Variants in POLN observed in about 807,000 individuals in gnomAD.
POLN encodes DNA polymerase N.
POLN carries 108 observed loss-of-function variants against 113.5 expected under a neutral mutation model. The ratio of observed to expected loss-of-function variants is 0.95; its 90% CI spans 0.81 to 1.12. The LOEUF (loss-of-function observed/expected upper bound fraction) is 1.12. Among genes scored for constraint, POLN ranks in the 50% most tolerant of loss-of-function variants. POLN has a pLI of 0.00. For synonymous variants in POLN, 386 were observed against 391.5 expected, an observed-to-expected ratio of 0.99 and a Z score of 0.17; for missense variants, 1,097 against 1,077.1, an observed-to-expected ratio of 1.02 and a Z score of -0.26.
chr4:2,147,643 C>CTTTTTTTTTTTTTTTTTTTTTTTT lies in POLN; in HGVS notation c.1731+9144_1731+9145insAAAAAAAAAAAAAAAAAAAAAAAA, dbSNP rs747184067. Among the ~76,000 whole-genome samples, 13 of 79,354 alleles carry CTTTTTTTTTTTTTTTTTTTTTTTT rather than the reference C, an allele frequency of 1.6e-4. 1 individual carries two copies. The highest frequency in any genetic ancestry group is 6.5e-4 in the East Asian group (2 of 3,086). 52.1% of individuals were successfully genotyped at this position (79,354 alleles called of 152,430 possible). A position where few individuals can be genotyped will look rare whatever the true frequency, so the allele number is the denominator to read the frequency against. On this transcript the variant is annotated intron_variant, in intron 16 of 25. Transcript: ENST00000511885. ...AGATCAGACATCCAGTTTTTCTTTT[C>CTTTTTTTTTTTTTTTTTTTTTTTT]TTTTTTTTTTTTTTTTGAGACAAAG...
chr4:2,131,643 T>C (rs1213933447), intron 16 of POLN, among the ~76,000 whole-genome samples: 1 of 152,200 alleles, frequency 6.6e-6, no homozygotes, highest in Admixed American at 6.5e-5. Flanking sequence ...AATTTGTATA[T>C]TGTACTTTTA....
At position 2,198,578 on chromosome 4, in the gene POLN, A is replaced by G. The variant is rs528492060; in HGVS notation, c.854T>C (p.Ile285Thr). The change falls in exon 6 of 26, where the codon ATA (isoleucine) becomes ACA (threonine). Residue 285 changes from isoleucine (I) to threonine (T), a missense_variant. Physicochemically the swap from Ile to Thr is moderately conservative, Grantham distance 89. Coordinates refer to ENST00000511885, the MANE Select transcript of POLN (RefSeq NM_181808.4). Reference protein sequence around the residue: ...VSDDPCIYIQIEHSAIWDQEQ... With the variant: ...VSDDPCIYIQTEHSAIWDQEQ... ...TTGGTCCCAGATAGCAGAGTGCTCTATTTGAATGTAGATGCATGGATCATC... is the reference window on the plus strand; with the variant it reads ...TTGGTCCCAGATAGCAGAGTGCTCTGTTTGAATGTAGATGCATGGATCATC... 1 of 1,613,770 alleles carries G rather than the reference A, an allele frequency of 6.2e-7. No individual in the cohort carries two copies. Among genetic ancestry groups the G allele is most frequent in the Admixed American group, 1.7e-5 (1 of 59,946 alleles).
chr4:2,124,836 C>G (rs754736378), intron 19 of POLN, among the ~76,000 whole-genome samples: 2 of 151,692 alleles, frequency 1.3e-5, no homozygotes, highest in Non-Finnish European at 2.9e-5. Flanking sequence ...ATCCTGGAGG[C>G]GATCATTGTC....
chr4:2,200,916 C>T (rs2108760483), intron 5 of POLN, among the ~76,000 whole-genome samples: 1 of 152,182 alleles, frequency 6.6e-6, no homozygotes, highest in African/African-American at 2.4e-5. Flanking sequence ...TTAAGTTAAT[C>T]AGGGAGTCAC....
rs116145378 is a variant in POLN at position 2,107,476 on chromosome 4, C to T, written c.1983-11543G>A. On this transcript the variant is annotated intron_variant, in intron 19 of 25. Transcript: ENST00000511885. ...GGTAAATATTGTCAGCCATTGAAGG[C>T]TTGGAGGGGTTGCATGAGCTGACTG... Among the ~76,000 whole-genome samples, 1,235 of 151,958 alleles carry T rather than the reference C, an allele frequency of 8.1e-3. 23 individuals are homozygous for T. Among genetic ancestry groups the T allele is most frequent in the African/African-American group, 0.028 (1,141 of 41,422 alleles).
At chr4:2,189,894 G>A (rs1194104831) in intron 7 of POLN, among the ~76,000 whole-genome samples, 3 of 151,520 alleles carry the variant, frequency 2.0e-5, no homozygotes, top group African/African-American at 4.9e-5. Flanking sequence ...GTGTGGTGGC[G>A]AGTGCCTATA....
rs974378372 is a variant in POLN, at chr4:2,182,768, A to T, written c.1022-3303T>A. Among the ~76,000 whole-genome samples the T allele has an allele frequency of 4.6e-5, 7 of 152,144 alleles. No individual in the cohort carries two copies. In the South Asian group the frequency reaches 1.4e-3, roughly 32 times the overall value. ...ACCTTGGATTAAACAATAGTTTCTT[A>T]GATTTGACACCAAAAACACAAATAA... is the stretch of plus-strand genomic sequence containing the variant. On this transcript the variant is annotated intron_variant, in intron 7 of 25. Coordinates refer to ENST00000511885, the MANE Select transcript of POLN (RefSeq NM_181808.4).
At chr4:2,107,589 A>T (rs1406561328) in intron 19 of POLN, among the ~76,000 whole-genome samples, 1 of 152,126 alleles carries the variant, frequency 6.6e-6, no homozygotes, top group East Asian at 1.9e-4. Context: ...ACACCAGTAG[A>T]TGTGGGAGAT....
chr4:2,138,508 C>T (rs1731915076), intron 16 of POLN, among the ~76,000 whole-genome samples: 1 of 152,188 alleles, frequency 6.6e-6, no homozygotes, highest in Non-Finnish European at 1.5e-5. Flanking sequence ...CTTTGGTGCC[C>T]AGCCCGGACC....
In POLN at chr4:2,208,172, C is replaced by A. The variant is rs111396698; in HGVS notation, c.529G>T (p.Asp177Tyr). ...AGGTAGCCTTCGGCGTCATCAGTATCTTCTTCCAATGCCATTTGTTTACTT... is the reference window on the plus strand; with the variant it reads ...AGGTAGCCTTCGGCGTCATCAGTATATTCTTCCAATGCCATTTGTTTACTT... ...KTSKQMALEE[D>Y]TDDAEGYLNS... Residue 177 changes from aspartate (D) to tyrosine (Y), a missense_variant, in exon 5 of 26, where the codon GAT (aspartate) becomes TAT (tyrosine). By Grantham distance (160) the Asp-to-Tyr change is radical. Coordinates refer to ENST00000511885, the MANE Select transcript of POLN (RefSeq NM_181808.4). 7.2e-5 allele frequency: 116 copies of A among 1,613,752 alleles called. No homozygotes were observed. In the African/African-American group the frequency reaches 1.2e-3, roughly 16 times the overall value.
chr4:2,159,722 T>C (rs979879427), intron 13 of POLN, among the ~76,000 whole-genome samples: 2 of 152,230 alleles, frequency 1.3e-5, no homozygotes, highest in South Asian at 2.1e-4. Flanking sequence ...TACTGGCTCC[T>C]TCCCCAGAGC....
chr4:2,118,413 C>T (rs1731367221), intron 19 of POLN, among the ~76,000 whole-genome samples: 1 of 152,166 alleles, frequency 6.6e-6, no homozygotes, highest in African/African-American at 2.4e-5. Flanking sequence ...CACTTTCATT[C>T]CTACTTGTAC....
chr4:2,087,132 C>T (rs577587371), intron 20 of POLN, among the ~76,000 whole-genome samples: 3 of 152,262 alleles, frequency 2.0e-5, no homozygotes, highest in Admixed American at 6.5e-5. Flanking sequence ...AAGTTTATCC[C>T]GGCAGAAAGG....
chr4:2,075,642 C>A, intron 23 of POLN, 123 bp from the exon 24 acceptor site: 1 of 992,704 alleles, frequency 1.0e-6, no homozygotes, highest in South Asian at 1.4e-5. Context: ...CTCAGGGGTG[C>A]ATGCAGAGGT....
chr4:2,145,522 T>C (rs919581158), intron 16 of POLN, among the ~76,000 whole-genome samples: 1 of 151,946 alleles, frequency 6.6e-6, no homozygotes, highest in Non-Finnish European at 1.5e-5. Context: ...ATTGAAAAAA[T>C]TCAAATGACA....
chr4:2,239,266 G>A (rs755411354), intron 2 of POLN, among the ~76,000 whole-genome samples: 8 of 152,136 alleles, frequency 5.3e-5, no homozygotes, highest in Non-Finnish European at 1.0e-4. Flanking sequence ...CATATATATA[G>A]TAACGGCTAC....
chr4:2,221,681 T>C (rs543865829), intron 3 of POLN, among the ~76,000 whole-genome samples: 135 of 152,296 alleles, frequency 8.9e-4, no homozygotes, highest in African/African-American at 3.1e-3. Flanking sequence ...GTTCAAGGGA[T>C]TCTCCTGCCT....
At position 2,241,804 on chromosome 4, in the gene POLN, C is replaced by G. The variant is rs1329876764; in HGVS notation, c.-283-14G>C. On this transcript the variant is annotated splice_polypyrimidine_tract_variant and intron_variant, in intron 1 of 25. Transcript: ENST00000511885. ...CACCTAAGCACGCTGACAAAACAAA[C>G]GCACAAGCCCACCGAATCGCCGTCG... 1 of 985,368 alleles carries G rather than the reference C, an allele frequency of 1.0e-6. No homozygotes were observed. Among genetic ancestry groups the G allele is most frequent in the Non-Finnish European group, 1.2e-6 (1 of 829,960 alleles). The allele number at this position is 985,368 out of a possible 1,614,324, so 61.0% of individuals were successfully genotyped here.
intron 13 of POLN, among the ~76,000 whole-genome samples, chr4:2,159,621 G>A (rs1481343854): frequency 6.6e-6 from 1 of 152,178 alleles, no homozygotes; most frequent in African/African-American, 2.4e-5. Flanking sequence ...GTGCAAGAGA[G>A]TAAGAAAAGT....
Sources: allele counts gnomAD v4.1 joint callset (sites outside exome capture counted in the v4.1 genomes callset), GRCh38; gene constraint gnomAD v4.1.1; transcripts MANE v1.5; gene names NCBI Gene and HGNC (gene_info 2026-07-23, HGNC 2026-07-21).